The following CEP128 variants were observed in gnomAD, a reference collection of about 807,000 sequenced individuals.
CEP128 encodes the protein centrosomal protein 128kDa.
CEP128 carries 132 observed loss-of-function variants against 156.7 expected under a neutral mutation model. The ratio of observed to expected loss-of-function variants is 0.84; its 90% CI spans 0.73 to 0.97. CEP128 has a LOEUF of 0.97. Among genes scored for constraint, CEP128 ranks in the 50% least tolerant of loss-of-function variants. CEP128 has a pLI of 0.00. For synonymous variants in CEP128, 469 were observed against 448.9 expected, an observed-to-expected ratio of 1.04 and a Z score of -0.57; for missense variants, 1,252 against 1,281.9, an observed-to-expected ratio of 0.98 and a Z score of 0.36.
chr14:80,755,217 A>G (rs1899593272), intron 18 of CEP128, among the ~76,000 whole-genome samples: 1 of 152,132 alleles, frequency 6.6e-6, no homozygotes, highest in Non-Finnish European at 1.5e-5. Flanking sequence ...TTGGACTCCA[A>G]GTTTTTCAGT....
At chr14:80,832,437 T>A (rs1339881935) in intron 12 of CEP128, among the ~76,000 whole-genome samples, 1 of 152,104 alleles carries the variant, frequency 6.6e-6, no homozygotes, top group African/African-American at 2.4e-5. Context: ...ACAAATTAAA[T>A]TTATACATCA....
In CEP128 at chr14:80,554,380, G is replaced by C. The variant is rs529127343; in HGVS notation, c.2880+4899C>G. 1.5e-3 allele frequency among the ~76,000 whole-genome samples: 226 copies of C among 152,154 alleles called. 1 individual carries two copies. Among genetic ancestry groups the C allele is most frequent in the African/African-American group, 5.2e-3 (215 of 41,524 alleles). ...TAGCATAAACGCTATGCTGACTCAG[G>C]ATATAAAATGGGCATGTTCCCTCTT... On this transcript the variant is annotated intron_variant, in intron 21 of 24. Coordinates refer to ENST00000555265, the MANE Select transcript of CEP128 (RefSeq NM_152446.5).
In CEP128 at chr14:80,743,205, T is replaced by C. The variant is rs777110746; in HGVS notation, c.2676A>G (p.Arg892=). Residue 892 remains arginine (R), a synonymous_variant, in exon 19 of 25, where the codon CGA becomes CGG. Coordinates refer to ENST00000555265, the MANE Select transcript of CEP128 (RefSeq NM_152446.5). ...KERENREKNL[R]HQLMLCRQQL... Reference sequence around the variant, plus strand: ...GTTGTCTGCAGAGCATCAGCTGGTGTCGCAGATTTTTCTCTCTGTTTTCTC... The same window carrying C: ...GTTGTCTGCAGAGCATCAGCTGGTGCCGCAGATTTTTCTCTCTGTTTTCTC... 1.2e-6 allele frequency: 2 copies of C among 1,613,760 alleles called. No individual in the cohort carries two copies. Among genetic ancestry groups the C allele is most frequent in the Non-Finnish European group, 1.7e-6 (2 of 1,179,854 alleles).
chr14:80,647,800 A>T (rs1894728026), intron 19 of CEP128, among the ~76,000 whole-genome samples: 1 of 152,100 alleles, frequency 6.6e-6, no homozygotes, highest in Non-Finnish European at 1.5e-5. Flanking sequence ...GTGTTAAAGG[A>T]CTAGGTTAGT....
At chr14:80,934,197 C>T (rs561893799) in intron 2 of CEP128, among the ~76,000 whole-genome samples, 1 of 152,286 alleles carries the variant, frequency 6.6e-6, no homozygotes, top group South Asian at 2.1e-4. Context: ...AAATAATGGC[C>T]TTCATCCTAA....
intron 19 of CEP128, among the ~76,000 whole-genome samples, chr14:80,611,744 A>G (rs913172800): frequency 3.3e-5 from 5 of 152,200 alleles, no homozygotes; most frequent in African/African-American, 1.2e-4. Flanking sequence ...AACATAAGAG[A>G]AACCAGTAAA....
At chr14:80,661,600 T>C (rs1261067764) in intron 19 of CEP128, among the ~76,000 whole-genome samples, 1 of 152,200 alleles carries the variant, frequency 6.6e-6, no homozygotes, top group Non-Finnish European at 1.5e-5. Flanking sequence ...GATGCACATT[T>C]TACCTGTATA....
chr14:80,629,898 A>G (rs1893893474), intron 19 of CEP128, among the ~76,000 whole-genome samples: 1 of 152,138 alleles, frequency 6.6e-6, no homozygotes, highest in East Asian at 1.9e-4. Context: ...AGAAAAATCT[A>G]TTTAAGAGAG....
At chr14:80,920,496 T>G (rs534306562) in intron 2 of CEP128, among the ~76,000 whole-genome samples, 81 of 152,308 alleles carry the variant, frequency 5.3e-4, no homozygotes, top group African/African-American at 1.8e-3. Context: ...TAACAATGTA[T>G]TATTTTATAC....
intron 21 of CEP128, among the ~76,000 whole-genome samples, chr14:80,538,535 C>T (rs1318924516): frequency 1.3e-5 from 2 of 152,138 alleles, no homozygotes; most frequent in Non-Finnish European, 2.9e-5. Flanking sequence ...CACCTAGATT[C>T]AACTATTAAC....
chr14:80,743,196 C>T lies in CEP128; in HGVS notation c.2685G>A (p.Leu895=), dbSNP rs771354919. Residue 895 remains leucine (L), a synonymous_variant, in exon 19 of 25, where the codon CTG becomes CTA. Transcript: ENST00000555265. ...ENREKNLRHQ[L]MLCRQQLRNL... ...TCCTGAGTTGTTGTCTGCAGAGCATCAGCTGGTGTCGCAGATTTTTCTCTC... is the reference window on the plus strand; with the variant it reads ...TCCTGAGTTGTTGTCTGCAGAGCATTAGCTGGTGTCGCAGATTTTTCTCTC... 15 of 1,613,730 alleles carry T rather than the reference C, an allele frequency of 9.3e-6. No individual in the cohort carries two copies. The highest frequency in any genetic ancestry group is 1.1e-5 in the Non-Finnish European group (13 of 1,179,814).
At chr14:80,662,420 A>T (rs1271271964) in intron 19 of CEP128, among the ~76,000 whole-genome samples, 1 of 152,304 alleles carries the variant, frequency 6.6e-6, no homozygotes, top group Admixed American at 6.5e-5. Context: ...ACAATTTTTT[A>T]AAATCAACTA....
chr14:80,902,960 T>A (rs536152772), intron 6 of CEP128, among the ~76,000 whole-genome samples: 1 of 152,272 alleles, frequency 6.6e-6, no homozygotes, highest in East Asian at 1.9e-4. Flanking sequence ...ACAAAGATAC[T>A]TTGTACATTG....
intron 19 of CEP128, among the ~76,000 whole-genome samples, chr14:80,667,807 T>TA (rs1271215570): frequency 2.2e-5 from 3 of 137,370 alleles, no homozygotes; most frequent in African/African-American, 5.7e-5. Context: ...ACAGTGAGCC[T>TA]AGATTGCGCC....
chr14:80,746,901 C>T (rs1363966594), intron 18 of CEP128, among the ~76,000 whole-genome samples: 7 of 152,066 alleles, frequency 4.6e-5, no homozygotes. Context: ...CAAATGATGC[C>T]ATTTTTAAAA....
At chr14:80,541,466 C>CAA (rs1889759949) in intron 21 of CEP128, among the ~76,000 whole-genome samples, 1 of 106,390 alleles carries the variant, frequency 9.4e-6, no homozygotes, top group African/African-American at 4.0e-5. Flanking sequence ...AAAAAAAAAA[C>CAA]CAGGAAAAAA....
intron 19 of CEP128, among the ~76,000 whole-genome samples, chr14:80,665,776 G>C (rs1895588416): frequency 6.6e-6 from 1 of 151,860 alleles, no homozygotes; most frequent in Admixed American, 6.6e-5. Flanking sequence ...AGATGGCTAA[G>C]AAAATGCACA....
At chr14:80,721,712 C>T (rs193219926) in intron 19 of CEP128, among the ~76,000 whole-genome samples, 1 of 152,232 alleles carries the variant, frequency 6.6e-6, no homozygotes, top group African/African-American at 2.4e-5. Flanking sequence ...ATTAAATCAA[C>T]TCTGCATAAA....
intron 13 of CEP128, among the ~76,000 whole-genome samples, chr14:80,811,039 T>C (rs1335760294): frequency 6.6e-6 from 1 of 152,166 alleles, no homozygotes; most frequent in Non-Finnish European, 1.5e-5. Context: ...ATGTGCGGTG[T>C]TTGGTTTTTT....
Sources: gnomAD v4.1 joint callset for allele counts (sites outside exome capture counted in the v4.1 genomes callset) on GRCh38, gnomAD v4.1.1 for gene constraint, MANE v1.5 for transcripts, NCBI Gene and HGNC (gene_info 2026-07-23, HGNC 2026-07-21) for gene names.